TBCK: variants seen among roughly 807,000 people sequenced by gnomAD.
The protein encoded by TBCK is TBC domain-containing protein kinase-like protein.
A neutral mutation model predicts 113.4 loss-of-function variants in TBCK; 99 were observed. That is an observed-to-expected ratio of 0.87 (90% CI 0.74 to 1.03). The LOEUF (loss-of-function observed/expected upper bound fraction) is 1.03. Ranked by LOEUF, TBCK falls within the 50% of genes least tolerant of loss-of-function variation. TBCK has a pLI of 0.00. For synonymous variants in TBCK, 369 were observed against 370.8 expected (o/e 1.00, Z 0.05); for missense variants, 1,045 against 1,061.3 (o/e 0.98, Z 0.21).
chr4:106,121,866 T>C (rs1434173856), intron 23 of TBCK, among the ~76,000 whole-genome samples: 1 of 151,630 alleles, frequency 6.6e-6, no homozygotes, highest in Non-Finnish European at 1.5e-5. Flanking sequence ...CTGGGACACA[T>C]TCAAAGCAGT....
At chr4:106,194,834 A>G in intron 20 of TBCK, 80 bp from the exon 21 acceptor site, 2 of 1,206,108 alleles carry the variant, frequency 1.7e-6, no homozygotes, top group South Asian at 2.9e-5. Context: ...AATAAACTAA[A>G]TGGTAAATGT....
chr4:106,139,705 T>G (rs1054895377), intron 23 of TBCK, among the ~76,000 whole-genome samples: 3 of 141,570 alleles, frequency 2.1e-5, no homozygotes, highest in African/African-American at 5.0e-5. Flanking sequence ...GAGATGTACT[T>G]TGAGTTTGTA....
chr4:106,284,295 A>G (rs1463129937), intron 3 of TBCK, among the ~76,000 whole-genome samples: 1 of 152,100 alleles, frequency 6.6e-6, no homozygotes, highest in Non-Finnish European at 1.5e-5. Context: ...GATTACTACA[A>G]CCTGTAGCTC....
chr4:106,166,221 AAG>A (rs1750355813), intron 23 of TBCK, among the ~76,000 whole-genome samples: 1 of 151,726 alleles, frequency 6.6e-6, no homozygotes, highest in Non-Finnish European at 1.5e-5. Flanking sequence ...TCAGATAAAA[AAG>A]AACAAAAATC....
intron 22 of TBCK, among the ~76,000 whole-genome samples, chr4:106,175,559 C>T (rs1751570898): frequency 6.6e-6 from 1 of 151,870 alleles, no homozygotes; most frequent in Non-Finnish European, 1.5e-5. Flanking sequence ...ATAGGAGGGG[C>T]CTGTATAACT....
At chr4:106,270,924 T>G (rs1420557228) in intron 3 of TBCK, among the ~76,000 whole-genome samples, 2 of 152,182 alleles carry the variant, frequency 1.3e-5, no homozygotes, top group African/African-American at 2.4e-5. Context: ...AGTGATTATA[T>G]TTAGATCAGA....
chr4:106,097,265 C>G (rs892261669), intron 24 of TBCK, among the ~76,000 whole-genome samples: 1 of 152,084 alleles, frequency 6.6e-6, no homozygotes, highest in Non-Finnish European at 1.5e-5. Context: ...CTTTTTTAGG[C>G]TACACTTTGG....
intron 22 of TBCK, among the ~76,000 whole-genome samples, chr4:106,185,300 T>C (rs1752885002): frequency 6.6e-6 from 1 of 152,092 alleles, no homozygotes; most frequent in African/African-American, 2.4e-5. Context: ...ATCTAGTCTA[T>C]GTGTATGTGT....
chr4:106,226,201 T>C (rs1196522146), intron 19 of TBCK, among the ~76,000 whole-genome samples: 2 of 152,182 alleles, frequency 1.3e-5, no homozygotes, highest in Non-Finnish European at 2.9e-5. Flanking sequence ...TTAGAAAGTG[T>C]GGAAATTTGT....
At chr4:106,237,321 A>G (rs1486770646) in intron 12 of TBCK, among the ~76,000 whole-genome samples, 1 of 152,164 alleles carries the variant, frequency 6.6e-6, no homozygotes. Flanking sequence ...TAGCTAATAA[A>G]TCAATGGAGA....
intron 21 of TBCK, 88 bp from the exon 22 acceptor site, chr4:106,193,858 T>G: frequency 1.2e-6 from 1 of 836,228 alleles, no homozygotes; most frequent in Non-Finnish European, 1.8e-6. Flanking sequence ...CTATAATTAT[T>G]ACCTTATGGT....
intron 4 of TBCK, among the ~76,000 whole-genome samples, chr4:106,260,753 T>A (rs1762431450): frequency 6.6e-6 from 1 of 151,980 alleles, no homozygotes. Flanking sequence ...TATCTCAAAA[T>A]GACAAATGAC....
At chr4:106,256,941 A>T (rs1762058183) in intron 5 of TBCK, among the ~76,000 whole-genome samples, 1 of 152,192 alleles carries the variant, frequency 6.6e-6, no homozygotes, top group African/African-American at 2.4e-5. Context: ...CAATTAGAAA[A>T]AAAAGAACTA....
At position 106,251,998 on chromosome 4, in the gene TBCK, C is replaced by G. The variant is rs150167219; in HGVS notation, c.465G>C (p.Ser155=). 6.2e-7 allele frequency: 1 copy of G among 1,603,226 alleles called. No homozygotes were observed. Among genetic ancestry groups the G allele is most frequent in the South Asian group, 1.1e-5 (1 of 89,086 alleles). The change falls in exon 6 of 26, where the codon TCG becomes TCC. Residue 155 remains serine (S), a synonymous_variant. Coordinates refer to ENST00000394708, the MANE Select transcript of TBCK (RefSeq NM_001163435.3). ...DDVDFPIGYP[S]YLAPEVIAQG... ...GTGCAATTACCTCAGGGGCCAAGTA[C>G]GAGGGATACCTGTAATGATACATTA...
chr4:106,144,169 C>G (rs1200488625), intron 23 of TBCK, among the ~76,000 whole-genome samples: 1 of 152,028 alleles, frequency 6.6e-6, no homozygotes, highest in African/African-American at 2.4e-5. Flanking sequence ...TTTAAAAATC[C>G]TGCCTTTACT....
intron 18 of TBCK, among the ~76,000 whole-genome samples, chr4:106,230,707 C>T (rs551436572): frequency 6.6e-6 from 1 of 152,012 alleles, no homozygotes; most frequent in South Asian, 2.1e-4. Context: ...ACAATAATCA[C>T]AACTTTTATT....
chr4:106,236,073 TTA>T (rs1759423007), intron 14 of TBCK, among the ~76,000 whole-genome samples: 1 of 151,998 alleles, frequency 6.6e-6, no homozygotes, highest in African/African-American at 2.4e-5. Flanking sequence ...CTAGCTGTAT[TTA>T]TATTATGTAC....
At chr4:106,143,317 T>G (rs73836999) in intron 23 of TBCK, among the ~76,000 whole-genome samples, 1 of 152,196 alleles carries the variant, frequency 6.6e-6, no homozygotes, top group Non-Finnish European at 1.5e-5. Context: ...AAGACACTTG[T>G]GCATACTTCA....
intron 22 of TBCK, among the ~76,000 whole-genome samples, chr4:106,178,972 A>G (rs1752013509): frequency 6.7e-6 from 1 of 149,554 alleles, no homozygotes; most frequent in Non-Finnish European, 1.5e-5. Context: ...GCTAAGCTGT[A>G]TGTGTCCAGA....
Sources: allele counts gnomAD v4.1 joint callset (sites outside exome capture counted in the v4.1 genomes callset), GRCh38; gene constraint gnomAD v4.1.1; transcripts MANE v1.5; gene names NCBI Gene and HGNC (gene_info 2026-07-23, HGNC 2026-07-21).